The following MCTP2 variants were observed in gnomAD, a reference collection of about 807,000 sequenced individuals.
MCTP2 encodes the protein multiple C2 and transmembrane domain containing 2, also known as multiple C2 and transmembrane domain-containing protein 2.
In MCTP2, 132 loss-of-function variants were observed where a neutral mutation model predicts 111.6. The observed-to-expected ratio is 1.18, with a 90% confidence interval of 1.03 to 1.37. MCTP2 has a LOEUF of 1.37. MCTP2 is among the 40% of genes most tolerant of loss of function. MCTP2 has a pLI of 0.00. For missense variants in MCTP2, 1,183 were observed against 1,067.9 expected, an observed-to-expected ratio of 1.11 and a Z score of -1.50; for synonymous variants, 395 against 387.7, an observed-to-expected ratio of 1.02 and a Z score of -0.22.
intron 10 of MCTP2, among the ~76,000 whole-genome samples, chr15:94,362,505 AT>A (rs1013358757): frequency 7.9e-5 from 12 of 152,138 alleles, no homozygotes; most frequent in Non-Finnish European, 5.9e-5. Flanking sequence ...CTACCAGTTT[AT>A]TAGCGGCTCT....
rs1596897035 is a variant in MCTP2, at chr15:94,483,277, T to C, written c.*4243T>C. On this transcript the variant is annotated 3_prime_UTR_variant, in exon 23 of 23. Coordinates refer to ENST00000357742, the MANE Select transcript of MCTP2 (RefSeq NM_001385001.1). ...TTGGAGTGTAAATTAGTTCAACCGC[T>C]GTGGAAGACAGGGTGGGTGTTTCCT... 6.6e-6 allele frequency: 1 copy of C among 152,164 alleles called. No homozygotes were observed. Among genetic ancestry groups the C allele is most frequent in the African/African-American group, 2.4e-5 (1 of 41,518 alleles). 9.4% of individuals were successfully genotyped at this position (152,164 alleles called of 1,614,324 possible).
At chr15:94,286,803 C>T (rs1269122425) in intron 1 of MCTP2, among the ~76,000 whole-genome samples, 3 of 152,196 alleles carry the variant, frequency 2.0e-5, no homozygotes, top group Admixed American at 6.5e-5. Context: ...TTAGGCTCCT[C>T]GGCTTGGGGC....
intron 17 of MCTP2, among the ~76,000 whole-genome samples, chr15:94,426,141 TGAGAGAGAGAGAGAGAGAGA>T (rs10603478): frequency 1.4e-5 from 2 of 140,856 alleles, no homozygotes; most frequent in Non-Finnish European, 1.6e-5. Flanking sequence ...AGAGAGAGAT[TGAGAGAGAGAGAGAGAGAGA>T]GAGAGAGAGA....
At chr15:94,236,466 A>G (rs186604426) in intron 1 of MCTP2, among the ~76,000 whole-genome samples, 1 of 130,022 alleles carries the variant, frequency 7.7e-6, no homozygotes, top group African/African-American at 2.9e-5. Flanking sequence ...TGACATGGAT[A>G]TGTGTGCGAG....
At chr15:94,289,576 C>T (rs2074938731) in intron 1 of MCTP2, among the ~76,000 whole-genome samples, 1 of 152,088 alleles carries the variant, frequency 6.6e-6, no homozygotes, top group African/African-American at 2.4e-5. Flanking sequence ...ATTGAATAGA[C>T]TATCTTAAAA....
chr15:94,466,373 G>GT (rs1186834138), intron 20 of MCTP2, among the ~76,000 whole-genome samples: 11 of 152,098 alleles, frequency 7.2e-5, no homozygotes, highest in Admixed American at 3.9e-4. Flanking sequence ...GAGGATTACT[G>GT]TTTAAGTCAC....
At chr15:94,477,386 G>A (rs1409789015) in intron 22 of MCTP2, among the ~76,000 whole-genome samples, 2 of 152,162 alleles carry the variant, frequency 1.3e-5, no homozygotes, top group East Asian at 1.9e-4. Flanking sequence ...TAGTCCAGCA[G>A]TGTCCTGTTT....
intron 1 of MCTP2, among the ~76,000 whole-genome samples, chr15:94,251,956 T>C (rs1214708994): frequency 6.6e-6 from 1 of 152,198 alleles, no homozygotes; most frequent in Non-Finnish European, 1.5e-5. Flanking sequence ...GTCCTAGCAA[T>C]TGCCAGAATT....
At chr15:94,362,816 G>A (rs965103822) in intron 10 of MCTP2, among the ~76,000 whole-genome samples, 3 of 152,190 alleles carry the variant, frequency 2.0e-5, no homozygotes, top group Non-Finnish European at 4.4e-5. Context: ...GTAAAATTAT[G>A]TGTTGAATTA....
At chr15:94,401,824 G>C (rs537832994) in intron 16 of MCTP2, 76 bp from the exon 17 acceptor site, 6 of 1,153,088 alleles carry the variant, frequency 5.2e-6, no homozygotes, top group South Asian at 3.4e-5. Context: ...TAATTTAAAT[G>C]ATCAGGGTAC....
chr15:94,383,019 A>G (rs2080240049), intron 12 of MCTP2, among the ~76,000 whole-genome samples: 1 of 152,220 alleles, frequency 6.6e-6, no homozygotes, highest in Admixed American at 6.5e-5. Context: ...TAGCGTAGAA[A>G]GAGGAGAGGT....
chr15:94,236,297 G>GC (rs2070536644), intron 1 of MCTP2, among the ~76,000 whole-genome samples: 1 of 150,238 alleles, frequency 6.7e-6, no homozygotes, highest in African/African-American at 2.5e-5. Context: ...ATTCAGAAGA[G>GC]CTGTGCCTTG....
At chr15:94,269,599 C>A (rs1359358621) in intron 1 of MCTP2, among the ~76,000 whole-genome samples, 1 of 152,148 alleles carries the variant, frequency 6.6e-6, no homozygotes, top group East Asian at 1.9e-4. Context: ...ATTTATCAGG[C>A]TCCCATATAT....
At chr15:94,243,145 T>A (rs202005082) in intron 1 of MCTP2, among the ~76,000 whole-genome samples, 1 of 97,354 alleles carries the variant, frequency 1.0e-5, no homozygotes, top group Admixed American at 9.8e-5. Flanking sequence ...GTGGATATAT[T>A]TATATACGTG....
At chr15:94,312,138 G>T (rs1188566006) in intron 2 of MCTP2, among the ~76,000 whole-genome samples, 1 of 152,192 alleles carries the variant, frequency 6.6e-6, no homozygotes, top group Non-Finnish European at 1.5e-5. Context: ...TCAGGCTTCA[G>T]AGCATCAGCA....
chr15:94,479,317 C>A lies in MCTP2; in HGVS notation c.*283C>A. ...CTGAAATAGGAGATAACAAGGCTGC[C>A]ATGGATCTGAACACCACCTTCCTTG... On this transcript the variant is annotated 3_prime_UTR_variant, in exon 23 of 23. Coordinates refer to ENST00000357742, the MANE Select transcript of MCTP2 (RefSeq NM_001385001.1). 2.2e-6 allele frequency: 1 copy of A among 459,580 alleles called. No homozygotes were observed. Among genetic ancestry groups the A allele is most frequent in the South Asian group, 3.8e-5 (1 of 26,172 alleles). The allele number at this position is 459,580 out of a possible 1,614,324, so 28.5% of individuals were successfully genotyped here.
In MCTP2 at chr15:94,480,953, C is replaced by A. The variant is rs552494339; in HGVS notation, c.*1919C>A. The A allele has an allele frequency of 2.6e-5, 4 of 152,196 alleles. No homozygotes were observed. The highest frequency in any genetic ancestry group is 9.6e-5 in the African/African-American group (4 of 41,548). The allele number at this position is 152,196 out of a possible 1,614,324, so 9.4% of individuals were successfully genotyped here. A position where few individuals can be genotyped will look rare whatever the true frequency, so the allele number is the denominator to read the frequency against. Reference sequence around the variant, plus strand: ...GGACGTAAGAGCAGGACCGAATCAACCTTGAATAAACTGTATATAGAAAAC... The same window carrying A: ...GGACGTAAGAGCAGGACCGAATCAAACTTGAATAAACTGTATATAGAAAAC... On this transcript the variant is annotated 3_prime_UTR_variant, in exon 23 of 23. Coordinates refer to ENST00000357742, the MANE Select transcript of MCTP2 (RefSeq NM_001385001.1).
At chr15:94,473,123 G>A (rs1026011557) in intron 21 of MCTP2, among the ~76,000 whole-genome samples, 1 of 151,154 alleles carries the variant, frequency 6.6e-6, no homozygotes, top group African/African-American at 2.5e-5. Flanking sequence ...ATATCCTCAA[G>A]TCATATTTTT....
intron 17 of MCTP2, among the ~76,000 whole-genome samples, chr15:94,435,947 AAAC>A (rs756001348): frequency 6.6e-6 from 1 of 152,088 alleles, no homozygotes; most frequent in Non-Finnish European, 1.5e-5. Flanking sequence ...ATATTCTTCT[AAAC>A]AAGTTTTTTT....
Sources: gnomAD v4.1 joint callset for allele counts (sites outside exome capture counted in the v4.1 genomes callset) on GRCh38, gnomAD v4.1.1 for gene constraint, MANE v1.5 for transcripts, NCBI Gene and HGNC (gene_info 2026-07-23, HGNC 2026-07-21) for gene names.